The following PTPRT variants were observed in gnomAD, a reference collection of about 807,000 sequenced individuals.
PTPRT encodes protein tyrosine phosphatase receptor type T.
Under a neutral mutation model 176.8 loss-of-function variants are expected in PTPRT, and 56 were observed. The ratio of observed to expected loss-of-function variants is 0.32; its 90% CI spans 0.26 to 0.40. The LOEUF (loss-of-function observed/expected upper bound fraction) is 0.40. PTPRT is among the 10% of genes least tolerant of loss of function. The pLI, the probability that PTPRT is intolerant of heterozygous loss-of-function variation, is 1.00. For missense variants in PTPRT, 1,540 were observed against 1,908.2 expected (o/e 0.81, Z 3.60); for synonymous variants, 783 against 739.0 (o/e 1.06, Z -0.96).
At position 42,077,220 on chromosome 20, in the gene PTPRT, C is replaced by T. The variant is rs1352998694; in HGVS notation, c.*3659G>A. On this transcript the variant is annotated 3_prime_UTR_variant, in exon 31 of 31. Coordinates refer to ENST00000373187, the MANE Select transcript of PTPRT (RefSeq NM_007050.6). ...GCACTAAAAGCAAACTGTCCCCTTC[C>T]ATTCCCACAAAGAGAGGCCTACTGT... The T allele has an allele frequency of 1.6e-5, 3 of 185,748 alleles. No homozygotes were observed. Among genetic ancestry groups the T allele is most frequent in the Non-Finnish European group, 3.4e-5 (3 of 87,874 alleles). 11.5% of individuals were successfully genotyped at this position (185,748 alleles called of 1,614,324 possible).
intron 7 of PTPRT, among the ~76,000 whole-genome samples, chr20:42,642,950 C>T (rs898161170): frequency 2.6e-5 from 4 of 152,116 alleles, no homozygotes; most frequent in Admixed American, 2.6e-4. Context: ...TGAAAAAGTG[C>T]TTGTGCATTT....
At chr20:43,130,814 C>A (rs947205) in intron 1 of PTPRT, among the ~76,000 whole-genome samples, 45,414 of 116,342 alleles carry the variant, frequency 0.39, 7,666 homozygotes, top group East Asian at 0.79. Flanking sequence ...GAAGGATTTT[C>A]AAAAAAAAAA....
intron 7 of PTPRT, among the ~76,000 whole-genome samples, chr20:42,483,297 C>G (rs942470256): frequency 2.0e-5 from 3 of 152,160 alleles, no homozygotes; most frequent in African/African-American, 7.2e-5. Flanking sequence ...TCCCAAATAG[C>G]TGGGATTACA....
chr20:42,983,899 T>C (rs1322163691), intron 1 of PTPRT, among the ~76,000 whole-genome samples: 2 of 152,192 alleles, frequency 1.3e-5, no homozygotes, highest in African/African-American at 4.8e-5. Context: ...TGGGTCCCAA[T>C]TTGCCCTTCT....
At chr20:42,837,846 G>C (rs6130233) in intron 2 of PTPRT, among the ~76,000 whole-genome samples, 1 of 152,132 alleles carries the variant, frequency 6.6e-6, no homozygotes, top group Non-Finnish European at 1.5e-5. Context: ...CAGACATTTA[G>C]GAGGAAAACG....
chr20:43,120,332 C>T (rs1359229207), intron 1 of PTPRT, among the ~76,000 whole-genome samples: 7 of 151,072 alleles, frequency 4.6e-5, no homozygotes, highest in Non-Finnish European at 8.8e-5. Context: ...AGTGCAGTGG[C>T]GCGACCTCGG....
intron 7 of PTPRT, among the ~76,000 whole-genome samples, chr20:42,597,085 C>A (rs933827469): frequency 6.6e-6 from 1 of 152,170 alleles, no homozygotes; most frequent in Middle Eastern, 3.2e-3. Context: ...TCAGCCAGGG[C>A]TTAGATCTCA....
At chr20:42,500,926 A>G (rs193262106) in intron 7 of PTPRT, among the ~76,000 whole-genome samples, 2 of 152,208 alleles carry the variant, frequency 1.3e-5, no homozygotes, top group Non-Finnish European at 2.9e-5. Context: ...AATGAACCCA[A>G]AATTGCCTTC....
chr20:43,174,464 C>T (rs1017268643), intron 1 of PTPRT, among the ~76,000 whole-genome samples: 3 of 152,192 alleles, frequency 2.0e-5, no homozygotes, highest in African/African-American at 4.8e-5. Context: ...TTTATTCCTC[C>T]GATTTTCAGT....
chr20:42,573,380 T>C (rs1490509473), intron 7 of PTPRT, among the ~76,000 whole-genome samples: 2 of 151,000 alleles, frequency 1.3e-5, no homozygotes, highest in Admixed American at 6.6e-5. Context: ...TAAGATACCC[T>C]TCCTCCATAG....
At chr20:42,665,084 C>T (rs984182377) in intron 7 of PTPRT, among the ~76,000 whole-genome samples, 13 of 151,954 alleles carry the variant, frequency 8.6e-5, no homozygotes, top group African/African-American at 3.1e-4. Flanking sequence ...GCAACAAAAG[C>T]CAAAATTGAC....
In PTPRT at chr20:42,076,098, G is replaced by GT. The variant is rs1196181236; in HGVS notation, c.*4780dup. ...TCATGTATGTTTTTCATGTATGTAT[G>GT]TTTTCGTTCAAACTAAAGACTGAGC... On this transcript the variant is annotated 3_prime_UTR_variant, in exon 31 of 31. Coordinates refer to ENST00000373187, the MANE Select transcript of PTPRT (RefSeq NM_007050.6). 1.4e-5 allele frequency: 3 copies of GT among 210,096 alleles called. No homozygotes were observed. The highest frequency in any genetic ancestry group is 2.9e-5 in the Non-Finnish European group (3 of 103,482). 13.0% of individuals were successfully genotyped at this position (210,096 alleles called of 1,614,324 possible).
chr20:42,686,364 G>A (rs2075691370), intron 6 of PTPRT: 1 of 151,234 alleles, frequency 6.6e-6, no homozygotes, highest in Non-Finnish European at 1.5e-5. Flanking sequence ...GACCCCTAGT[G>A]GGACAATGGG....
chr20:42,993,394 G>C, intron 1 of PTPRT, among the ~76,000 whole-genome samples: 1 of 143,886 alleles, frequency 6.9e-6, no homozygotes, highest in East Asian at 2.0e-4. Flanking sequence ...CTCCACCCTG[G>C]GTGACACAGC....
intron 21 of PTPRT, among the ~76,000 whole-genome samples, chr20:42,117,324 T>C (rs900699239): frequency 6.2e-4 from 95 of 152,230 alleles, no homozygotes; most frequent in African/African-American, 2.2e-3. Flanking sequence ...GCCCACATTT[T>C]AGTTAGTTCA....
intron 8 of PTPRT, among the ~76,000 whole-genome samples, chr20:42,464,501 G>GT (rs1346639838): frequency 2.0e-5 from 3 of 152,168 alleles, no homozygotes; most frequent in African/African-American, 4.8e-5. Flanking sequence ...CTGCACAACT[G>GT]TATCGATAGC....
chr20:43,106,918 G>A (rs181377140), intron 1 of PTPRT, among the ~76,000 whole-genome samples: 58 of 152,058 alleles, frequency 3.8e-4, no homozygotes, highest in South Asian at 2.5e-3. Flanking sequence ...AGCCTCCCGA[G>A]TAGCTGGGAA....
chr20:43,163,877 G>A (rs1482894175), intron 1 of PTPRT, among the ~76,000 whole-genome samples: 1 of 152,166 alleles, frequency 6.6e-6, no homozygotes, highest in Non-Finnish European at 1.5e-5. Flanking sequence ...TCTCCTTTAC[G>A]AAATGTGTTC....
chr20:43,122,850 TTTG>T (rs533341655), intron 1 of PTPRT, among the ~76,000 whole-genome samples: 32 of 152,234 alleles, frequency 2.1e-4, no homozygotes, highest in Non-Finnish European at 4.4e-4. Flanking sequence ...TTTTGTTTTG[TTTG>T]TTGTTGTTGT....
Sources: gnomAD v4.1 joint callset for allele counts (sites outside exome capture counted in the v4.1 genomes callset) on GRCh38, gnomAD v4.1.1 for gene constraint, MANE v1.5 for transcripts, NCBI Gene and HGNC (gene_info 2026-07-23, HGNC 2026-07-21) for gene names.